Variants in HCN1 observed in about 807,000 individuals in gnomAD.
HCN1 encodes potassium/sodium hyperpolarization-activated cyclic nucleotide-gated channel 1.
A neutral mutation model predicts 78.9 loss-of-function variants in HCN1; 13 were observed. The observed-to-expected ratio is 0.16, with a 90% CI of 0.11 to 0.26. The LOEUF (loss-of-function observed/expected upper bound fraction) is 0.26. Ranked by LOEUF, HCN1 falls within the 10% of genes least tolerant of loss-of-function variation. The probability of loss-of-function intolerance (pLI) is 1.00; values close to 1 mark genes in which losing one functional copy is unlikely to be tolerated. For synonymous variants in HCN1, 552 were observed against 455.5 expected (o/e 1.21, Z -2.70); for missense variants, 810 against 1,154.3 (o/e 0.70, Z 4.32).
At chr5:45,584,962 A>C (rs1744178155) in intron 2 of HCN1, among the ~76,000 whole-genome samples, 1 of 151,902 alleles carries the variant, frequency 6.6e-6, no homozygotes, top group Non-Finnish European at 1.5e-5. Flanking sequence ...TGCCCTTAAC[A>C]TTTTTCCTTC....
In HCN1 at chr5:45,696,165, C is replaced by A. The variant is rs941804229; in HGVS notation, c.-72G>T. Reference sequence around the variant, plus strand: ...CCGCCCGGCGCCGGAGACACGTAGCCGAGAGGGTAGGGGCCCGAGCCGGCT... The same window carrying A: ...CCGCCCGGCGCCGGAGACACGTAGCAGAGAGGGTAGGGGCCCGAGCCGGCT... On this transcript the variant is annotated 5_prime_UTR_variant, in exon 1 of 8. Coordinates refer to ENST00000303230, the MANE Select transcript of HCN1 (RefSeq NM_021072.4). 1.8e-6 allele frequency: 2 copies of A among 1,094,800 alleles called. No individual in the cohort carries two copies. The highest frequency in any genetic ancestry group is 5.1e-5 in the East Asian group (1 of 19,514). 67.8% of individuals were successfully genotyped at this position (1,094,800 alleles called of 1,614,324 possible).
At chr5:45,449,389 C>T (rs1740864407) in intron 3 of HCN1, among the ~76,000 whole-genome samples, 1 of 152,146 alleles carries the variant, frequency 6.6e-6, no homozygotes, top group African/African-American at 2.4e-5. Context: ...TCACTTAACT[C>T]TAACCAACAA....
intron 1 of HCN1, among the ~76,000 whole-genome samples, chr5:45,655,273 C>T (rs1745744294): frequency 6.6e-6 from 1 of 151,910 alleles, no homozygotes; most frequent in Non-Finnish European, 1.5e-5. Context: ...TATTTATTAG[C>T]TAATAGACAC....
intron 2 of HCN1, among the ~76,000 whole-genome samples, chr5:45,590,672 A>T (rs1328340711): frequency 6.6e-6 from 1 of 152,126 alleles, no homozygotes; most frequent in East Asian, 1.9e-4. Flanking sequence ...GAAACCACTG[A>T]TCTTTTTACT....
At chr5:45,552,217 A>C (rs1743383724) in intron 2 of HCN1, among the ~76,000 whole-genome samples, 1 of 151,884 alleles carries the variant, frequency 6.6e-6, no homozygotes, top group Non-Finnish European at 1.5e-5. Flanking sequence ...GGCTTCATTA[A>C]ATCTGACTTC....
At chr5:45,553,788 T>C (rs926070847) in intron 2 of HCN1, among the ~76,000 whole-genome samples, 4 of 151,966 alleles carry the variant, frequency 2.6e-5, no homozygotes, top group Non-Finnish European at 4.4e-5. Flanking sequence ...TTTTTACTTG[T>C]TTTTTAATCC....
chr5:45,675,979 T>C (rs1373450317), intron 1 of HCN1, among the ~76,000 whole-genome samples: 2 of 151,746 alleles, frequency 1.3e-5, no homozygotes, highest in Non-Finnish European at 2.9e-5. Context: ...CAAGACTCAG[T>C]CCTGTTGGTC....
chr5:45,303,904 C>A, intron 5 of HCN1, 65 bp from the exon 6 acceptor site: 1 of 1,426,844 alleles, frequency 7.0e-7, no homozygotes. Flanking sequence ...GAAAAACATG[C>A]TGAAATTTAA....
At chr5:45,625,373 A>C (rs1443870256) in intron 2 of HCN1, among the ~76,000 whole-genome samples, 1 of 152,162 alleles carries the variant, frequency 6.6e-6, no homozygotes, top group Admixed American at 6.5e-5. Flanking sequence ...AATTAGTGTC[A>C]GTCTGCCATT....
intron 1 of HCN1, among the ~76,000 whole-genome samples, chr5:45,651,698 A>T (rs1745678581): frequency 6.6e-6 from 1 of 151,912 alleles, no homozygotes; most frequent in Non-Finnish European, 1.5e-5. Context: ...TCTTAATACT[A>T]AGATTCACAC....
In HCN1 at chr5:45,622,034, C is replaced by T. The variant is rs184958412; in HGVS notation, c.849+23151G>A. 7.8e-3 allele frequency among the ~76,000 whole-genome samples: 1,184 copies of T among 152,096 alleles called. 5 individuals carry two copies. Among genetic ancestry groups the T allele is most frequent in the Middle Eastern group, 0.055 (16 of 290 alleles). On this transcript the variant is annotated intron_variant, in intron 2 of 7. Transcript: ENST00000303230. ...AGGAGATCGAGACCATCCTGGCTAA[C>T]ACGGTGAAACCCCGTCTCTACTAAA...
At chr5:45,493,000 T>G (rs1741923097) in intron 2 of HCN1, among the ~76,000 whole-genome samples, 1 of 152,124 alleles carries the variant, frequency 6.6e-6, no homozygotes, top group South Asian at 2.1e-4. Context: ...GTCCTGGAAG[T>G]GAACTGTAAA....
intron 3 of HCN1, among the ~76,000 whole-genome samples, chr5:45,441,160 G>C (rs1388200760): frequency 4.6e-5 from 7 of 152,072 alleles, no homozygotes; most frequent in Non-Finnish European, 8.8e-5. Context: ...CTGTTTCCTT[G>C]CTTTAAATTT....
At chr5:45,430,311 G>T (rs1379802846) in intron 3 of HCN1, among the ~76,000 whole-genome samples, 2 of 152,042 alleles carry the variant, frequency 1.3e-5, no homozygotes, top group Admixed American at 6.5e-5. Flanking sequence ...ATGGTTCAGG[G>T]GTACATGTGT....
chr5:45,288,234 T>C (rs771960235), intron 6 of HCN1, among the ~76,000 whole-genome samples: 1 of 152,092 alleles, frequency 6.6e-6, no homozygotes, highest in Non-Finnish European at 1.5e-5. Context: ...CACCGGAGCA[T>C]GAATCATCAC....
intron 1 of HCN1, among the ~76,000 whole-genome samples, chr5:45,669,213 T>C (rs1746105770): frequency 6.6e-6 from 1 of 151,736 alleles, no homozygotes; most frequent in South Asian, 2.1e-4. Context: ...AAAAACTAAC[T>C]TGGGGAAGGC....
At chr5:45,539,934 A>C (rs891195457) in intron 2 of HCN1, among the ~76,000 whole-genome samples, 1 of 45,710 alleles carries the variant, frequency 2.2e-5, no homozygotes, top group Non-Finnish European at 7.7e-5. Flanking sequence ...ATATATATAT[A>C]TATATATATA....
Position 45,259,887 on chromosome 5 carries a change from G to T in HCN1, c.*2034C>A, listed in dbSNP as rs1419031716. On this transcript the variant is annotated 3_prime_UTR_variant, in exon 8 of 8. Transcript: ENST00000303230. The stretch of plus-strand genomic sequence containing the variant: ...AGGAGTTTTGTACTGATATGTAAAT[G>T]GTCTTGCAGCTTTCCCATAGGTTCT... The T allele has an allele frequency of 6.6e-6, 1 of 152,382 alleles. No individual in the cohort carries two copies. The highest frequency in any genetic ancestry group is 1.9e-4 in the East Asian group (1 of 5,188). 9.4% of individuals were successfully genotyped at this position (152,382 alleles called of 1,614,324 possible). A position where few individuals can be genotyped will look rare whatever the true frequency, so the allele number is the denominator to read the frequency against.
At chr5:45,667,404 T>C (rs6859244) in intron 1 of HCN1, among the ~76,000 whole-genome samples, 4,993 of 152,040 alleles carry the variant, frequency 0.033, 263 homozygotes, top group African/African-American at 0.11. Flanking sequence ...AAAAATTATA[T>C]ATCAGACTTA....
Sources: allele counts gnomAD v4.1 joint callset (sites outside exome capture counted in the v4.1 genomes callset), GRCh38; gene constraint gnomAD v4.1.1; transcripts MANE v1.5; gene names NCBI Gene and HGNC (gene_info 2026-07-23, HGNC 2026-07-21).